ART3: variants seen among roughly 807,000 people sequenced by gnomAD.
The protein encoded by ART3 is ADP-ribosyltransferase 3 (inactive).
A neutral mutation model predicts 48.5 loss-of-function variants in ART3; 49 were observed. The observed-to-expected ratio is 1.01, with a 90% CI of 0.80 to 1.28. The LOEUF is 1.28. Among genes scored for constraint, ART3 ranks in the 50% most tolerant of loss-of-function variants. ART3 has a pLI of 0.00. For missense variants in ART3, 438 were observed against 454.3 expected (o/e 0.96, Z 0.33); for synonymous variants, 145 against 157.2 (o/e 0.92, Z 0.58).
chr4:76,047,876 A>C (rs1260365791), intron 1 of ART3, among the ~76,000 whole-genome samples: 2 of 151,986 alleles, frequency 1.3e-5, no homozygotes, highest in Non-Finnish European at 2.9e-5. Flanking sequence ...ACCCTGTAGG[A>C]CATCTATGTA....
chr4:76,059,237 A>G (rs1241788076), intron 1 of ART3, among the ~76,000 whole-genome samples: 3 of 152,220 alleles, frequency 2.0e-5, no homozygotes, highest in Non-Finnish European at 4.4e-5. Flanking sequence ...GCTAAACTTA[A>G]TTTAACAGAC....
intron 1 of ART3, among the ~76,000 whole-genome samples, chr4:76,042,791 A>C (rs1735096664): frequency 6.6e-6 from 1 of 152,090 alleles, no homozygotes; most frequent in African/African-American, 2.4e-5. Context: ...GATTTATTGC[A>C]AAGAGTGAAA....
chr4:76,052,714 C>CTTTTTTTTTTT lies in ART3; in HGVS notation c.-9-23167_-9-23166insTTTTTTTTTTT, dbSNP rs10644249. 2.4e-4 allele frequency among the ~76,000 whole-genome samples: 34 copies of CTTTTTTTTTTT among 142,566 alleles called. 4 individuals are homozygous for CTTTTTTTTTTT. Among genetic ancestry groups the CTTTTTTTTTTT allele is most frequent in the East Asian group, 4.6e-4 (2 of 4,340 alleles). 93.5% of individuals were successfully genotyped at this position (142,566 alleles called of 152,430 possible). A position where few individuals can be genotyped will look rare whatever the true frequency, so the allele number is the denominator to read the frequency against. ...CATGCGTGTACCCAATTTCTTTTTT[C>CTTTTTTTTTTT]CTTCTTTTTTTTTTTTTTAAGACAG... On this transcript the variant is annotated intron_variant, in intron 1 of 9. Coordinates refer to the ART3 transcript ENST00000341029.
At chr4:76,033,136 G>T (rs1734031392) in intron 1 of ART3, among the ~76,000 whole-genome samples, 1 of 152,018 alleles carries the variant, frequency 6.6e-6, no homozygotes, top group Non-Finnish European at 1.5e-5. Flanking sequence ...ACCAACTCTG[G>T]CTATCTTAAG....
At chr4:76,072,011 G>A (rs1279459166), upstream of ART3, among the ~76,000 whole-genome samples, 2 of 152,036 alleles carry the variant, frequency 1.3e-5, no homozygotes, top group Non-Finnish European at 2.9e-5. Context: ...GCAACTCCTG[G>A]GCTCAAGAGA....
At chr4:76,098,858 C>T (rs1215495924) in intron 4 of ART3, 97 bp from the exon 5 acceptor site, 22 of 1,044,868 alleles carry the variant, frequency 2.1e-5, no homozygotes, top group African/African-American at 1.1e-4. Flanking sequence ...TATAAGCCAA[C>T]ACAATCTTTA....
chr4:76,075,170 T>C (rs1720790213), intron 1 of ART3: 1 of 152,226 alleles, frequency 6.6e-6, no homozygotes, highest in Non-Finnish European at 1.5e-5. Context: ...AGTTACATTA[T>C]CATAAATACT....
intron 3 of ART3, among the ~76,000 whole-genome samples, chr4:76,085,346 A>C (rs1246040424): frequency 6.6e-6 from 1 of 152,230 alleles, no homozygotes; most frequent in Non-Finnish European, 1.5e-5. Context: ...AGTGCTAATG[A>C]GACATTGATG....
intron 2 of ART3, among the ~76,000 whole-genome samples, chr4:76,081,590 C>G (rs76139847): frequency 0.11 from 16,854 of 152,226 alleles, 1,268 homozygotes; most frequent in East Asian, 0.35. Flanking sequence ...CAGGCACAAT[C>G]TCACCCATAC....
At chr4:76,083,922 C>T (rs2149568957) in intron 3 of ART3, among the ~76,000 whole-genome samples, 1 of 152,314 alleles carries the variant, frequency 6.6e-6, no homozygotes, top group East Asian at 1.9e-4. Context: ...CCAACACCCT[C>T]CTTCCCAATG....
At chr4:76,012,186 T>TAA (rs1731864958) in intron 1 of ART3, 1 of 152,222 alleles carries the variant, frequency 6.6e-6, no homozygotes, top group African/African-American at 2.4e-5. Context: ...TCTTTTTGGT[T>TAA]GTGGAATCGA....
At chr4:76,106,023 A>G (rs1578618342) in intron 10 of ART3, 13 of 985,424 alleles carry the variant, frequency 1.3e-5, no homozygotes, top group Non-Finnish European at 1.6e-5. Flanking sequence ...CTGGAAAGCT[A>G]TGTGTAGCTT....
At chr4:76,057,484 A>G (rs1027012872) in intron 1 of ART3, among the ~76,000 whole-genome samples, 1 of 152,252 alleles carries the variant, frequency 6.6e-6, no homozygotes, top group African/African-American at 2.4e-5. Context: ...TCTCTGTACT[A>G]TCTTCTGTAA....
chr4:76,061,353 C>T (rs1263309821), intron 1 of ART3, among the ~76,000 whole-genome samples: 1 of 152,166 alleles, frequency 6.6e-6, no homozygotes, highest in Non-Finnish European at 1.5e-5. Flanking sequence ...CTACACATCC[C>T]TATGCTATAT....
upstream of ART3, among the ~76,000 whole-genome samples, chr4:76,071,524 A>G (rs975142529): frequency 6.6e-6 from 1 of 152,086 alleles, no homozygotes; most frequent in Admixed American, 6.6e-5. Context: ...TCCTCTTTTC[A>G]TTCTTTCTTA....
chr4:76,100,471 A>G, intron 6 of ART3, 151 bp downstream of exon 6: 1 of 829,730 alleles, frequency 1.2e-6, no homozygotes, highest in Non-Finnish European at 1.9e-6. Context: ...TCTTTACTAA[A>G]AATACAAAAA....
chr4:76,018,074 A>C (rs1257666600), intron 1 of ART3, among the ~76,000 whole-genome samples: 2 of 152,232 alleles, frequency 1.3e-5, no homozygotes, highest in Non-Finnish European at 2.9e-5. Flanking sequence ...ACTACCATTC[A>C]ACCCAGCAAT....
intron 10 of ART3, chr4:76,105,378 C>T: frequency 1.3e-6 from 1 of 751,442 alleles, no homozygotes; most frequent in East Asian, 7.8e-5. Context: ...CCTGCTTTCA[C>T]ATCTGTAAAA....
chr4:76,111,936 C>T (rs1036529007), intron 11 of ART3: 2 of 153,404 alleles, frequency 1.3e-5, no homozygotes, highest in African/African-American at 4.8e-5. Flanking sequence ...TGCCCAGGCT[C>T]AAACTCCTGG....
Sources: gnomAD v4.1 joint callset for allele counts (sites outside exome capture counted in the v4.1 genomes callset) on GRCh38, gnomAD v4.1.1 for gene constraint, MANE v1.5 for transcripts, NCBI Gene and HGNC (gene_info 2026-07-23, HGNC 2026-07-21) for gene names.